SIPA1L2: variants seen among roughly 807,000 people sequenced by gnomAD.
SIPA1L2 encodes signal induced proliferation associated 1 like 2.
Under a neutral mutation model 163.9 loss-of-function variants are expected in SIPA1L2, and 56 were observed. The observed-to-expected ratio is 0.34, with a 90% CI of 0.28 to 0.43. SIPA1L2 has a LOEUF of 0.43. Among genes scored for constraint, SIPA1L2 ranks in the 20% least tolerant of loss-of-function variants. SIPA1L2 has a pLI of 1.00. For synonymous variants in SIPA1L2, 877 were observed against 865.7 expected (o/e 1.01, Z -0.23); for missense variants, 1,974 against 2,193.5 (o/e 0.90, Z 2.00).
At chr1:232,612,136 G>T (rs1194073661) in intron 1 of SIPA1L2, among the ~76,000 whole-genome samples, 1 of 152,230 alleles carries the variant, frequency 6.6e-6, no homozygotes, top group East Asian at 1.9e-4. Flanking sequence ...CAGAAGTCAA[G>T]AACTGAGGTT....
At chr1:232,444,381 C>T (rs139848615) in intron 11 of SIPA1L2, among the ~76,000 whole-genome samples, 1 of 152,136 alleles carries the variant, frequency 6.6e-6, no homozygotes. Flanking sequence ...CCCCTTCCTT[C>T]TACATGTTGC....
At chr1:232,594,908 CACACCCAGGCTGCACCCATTCCAATT>C (rs1661174417) in intron 1 of SIPA1L2, among the ~76,000 whole-genome samples, 1 of 152,174 alleles carries the variant, frequency 6.6e-6, no homozygotes, top group Admixed American at 6.5e-5. Context: ...CTGCAGCGCC[CACACCCAGGCTGCACCCATTCCAATT>C]AAACCAGAAG....
chr1:232,437,735 C>T (rs576635313), intron 15 of SIPA1L2, among the ~76,000 whole-genome samples: 43 of 152,020 alleles, frequency 2.8e-4, no homozygotes, highest in Admixed American at 8.5e-4. Context: ...TGAGGAGATA[C>T]GGGGGTGGTG....
chr1:232,554,272 T>C (rs1338858907), intron 2 of SIPA1L2, among the ~76,000 whole-genome samples: 2 of 152,126 alleles, frequency 1.3e-5, no homozygotes, highest in African/African-American at 4.8e-5. Context: ...GAGAACAATC[T>C]ATAGGAGAGA....
chr1:232,548,962 A>G (rs60110079), intron 2 of SIPA1L2, among the ~76,000 whole-genome samples: 16,000 of 152,296 alleles, frequency 0.11, 1,435 homozygotes, highest in East Asian at 0.42. Context: ...AGCTTCTGGA[A>G]AGCCCAAGGG....
At position 232,514,019 on chromosome 1, in the gene SIPA1L2, A is replaced by T. The variant is rs762759025; in HGVS notation, c.1321T>A (p.Ser441Thr). The T allele has an allele frequency of 5.6e-6, 9 of 1,614,104 alleles. No homozygotes were observed. The highest frequency in any genetic ancestry group is 3.3e-5 in the Admixed American group (2 of 60,012). Residue 441 changes from serine (S) to threonine (T), a missense_variant, in exon 3 of 23, where the codon TCT becomes ACT. Physicochemically the swap from Ser to Thr is moderately conservative, Grantham distance 58. This residue lies in a region of SIPA1L2 where 607 missense variants were observed against 624.0 expected (regional missense o/e 0.97). Transcript: ENST00000674635. ...SSSFSSGESC[S>T]FESSLSSHCT... is the part of the protein sequence containing the mutation. The stretch of plus-strand genomic sequence containing the variant: ...TGAGAGCTGAGTGACGATTCGAAAG[A>T]GCAGCTTTCCCCAGAACTGAAAGAG...
intron 1 of SIPA1L2, among the ~76,000 whole-genome samples, chr1:232,598,506 T>C (rs1661403900): frequency 6.6e-6 from 1 of 152,216 alleles, no homozygotes; most frequent in South Asian, 2.1e-4. Flanking sequence ...AAATAAATTA[T>C]GCAGTGTCTT....
rs146560678 is a variant in SIPA1L2, at chr1:232,575,665, C to T, written c.-318-1443G>A. Among the ~76,000 whole-genome samples, 341 of 152,270 alleles carry T rather than the reference C, an allele frequency of 2.2e-3. 4 individuals carry two copies. The highest frequency in any genetic ancestry group is 7.9e-3 in the African/African-American group (328 of 41,544). On this transcript the variant is annotated intron_variant, in intron 1 of 22. Transcript: ENST00000674635. ...ATTACCATATAACCCAGCAATTCTA[C>T]TTCTGGGCATACAGCCAAAAGAACT...
chr1:232,565,308 A>T (rs1659340228), intron 2 of SIPA1L2, among the ~76,000 whole-genome samples: 1 of 152,204 alleles, frequency 6.6e-6, no homozygotes, highest in African/African-American at 2.4e-5. Context: ...TTTTTCACTA[A>T]ATCAAACTGT....
chr1:232,540,910 C>T (rs527444568), intron 2 of SIPA1L2, among the ~76,000 whole-genome samples: 6 of 152,272 alleles, frequency 3.9e-5, no homozygotes, highest in Non-Finnish European at 7.4e-5. Flanking sequence ...AGGAATATAT[C>T]TATCATAATA....
intron 2 of SIPA1L2, among the ~76,000 whole-genome samples, chr1:232,542,705 C>T (rs986888262): frequency 6.6e-6 from 1 of 152,166 alleles, no homozygotes; most frequent in Admixed American, 6.6e-5. Flanking sequence ...AAAGAAAATG[C>T]GCTTACCTCA....
At chr1:232,498,855 G>A (rs141699226) in intron 3 of SIPA1L2, among the ~76,000 whole-genome samples, 1 of 152,290 alleles carries the variant, frequency 6.6e-6, no homozygotes, top group Non-Finnish European at 1.5e-5. Flanking sequence ...AGTCTCTTTT[G>A]CCATGAGGGA....
chr1:232,564,149 CGTGTGTGTGTGT>C (rs560949113), intron 2 of SIPA1L2, among the ~76,000 whole-genome samples: 10,388 of 44,600 alleles, frequency 0.23, 1,752 homozygotes, highest in Middle Eastern at 0.38. Context: ...TTTTTTTTTT[CGTGTGTGTGTGT>C]GTGTGTGTGT....
chr1:232,569,334 G>A (rs984369875), intron 2 of SIPA1L2, among the ~76,000 whole-genome samples: 19 of 152,194 alleles, frequency 1.2e-4, no homozygotes, highest in African/African-American at 3.9e-4. Context: ...TCAAACACCC[G>A]AGTGAAGGAT....
intron 15 of SIPA1L2, among the ~76,000 whole-genome samples, chr1:232,434,643 C>T (rs143279492): frequency 1.3e-5 from 2 of 152,138 alleles, no homozygotes; most frequent in Non-Finnish European, 2.9e-5. Context: ...CTGGGGTGCA[C>T]GCCAGTTAGG....
chr1:232,409,982 T>A (rs566275884), intron 19 of SIPA1L2, among the ~76,000 whole-genome samples: 5 of 152,332 alleles, frequency 3.3e-5, no homozygotes, highest in Non-Finnish European at 7.4e-5. Context: ...TATTTTATAA[T>A]CTCTAATTAA....
intron 6 of SIPA1L2, among the ~76,000 whole-genome samples, chr1:232,480,648 A>T (rs1326416104): frequency 6.6e-6 from 1 of 152,214 alleles, no homozygotes; most frequent in Non-Finnish European, 1.5e-5. Flanking sequence ...AGACAAAAAG[A>T]TATACAAAAA....
At chr1:232,595,745 A>G (rs1661227385) in intron 1 of SIPA1L2, among the ~76,000 whole-genome samples, 2 of 147,928 alleles carry the variant, frequency 1.4e-5, no homozygotes, top group South Asian at 2.1e-4. Context: ...TTTTCTTCCA[A>G]TGCTCATTCG....
rs114974866 is a variant in SIPA1L2, at chr1:232,515,647, A to G, written c.-269-39T>C. 8.7e-3 allele frequency: 2,610 copies of G among 300,676 alleles called. 32 individuals carry two copies. The highest frequency in any genetic ancestry group is 9.6e-3 in the Non-Finnish European group (1,565 of 162,684). The allele number at this position is 300,676 out of a possible 1,614,324, so 18.6% of individuals were successfully genotyped here. A position where few individuals can be genotyped will look rare whatever the true frequency, so the allele number is the denominator to read the frequency against. Reference sequence around the variant, plus strand: ...TAGGAAGTAGCCATTAGCAATTAATATGCTTCAAGTTGAACACATTCTATG... The same window carrying G: ...TAGGAAGTAGCCATTAGCAATTAATGTGCTTCAAGTTGAACACATTCTATG... On this transcript the variant is annotated intron_variant, in intron 2 of 22. Coordinates refer to ENST00000674635, the MANE Select transcript of SIPA1L2 (RefSeq NM_020808.5).
Sources: allele counts gnomAD v4.1 joint callset (sites outside exome capture counted in the v4.1 genomes callset), GRCh38; gene constraint gnomAD v4.1.1; regional missense constraint gnomAD v4.1.1; transcripts MANE v1.5; gene names NCBI Gene and HGNC (gene_info 2026-07-23, HGNC 2026-07-21).